BPIFB1: variants seen among roughly 807,000 people sequenced by gnomAD.
BPIFB1 encodes the protein BPI fold containing family B member 1.
A neutral mutation model predicts 55.1 loss-of-function variants in BPIFB1; 34 were observed. That is an observed-to-expected ratio of 0.62 (90% CI 0.47 to 0.82). The LOEUF (loss-of-function observed/expected upper bound fraction) is 0.82. Ranked by LOEUF, BPIFB1 falls within the 40% of genes least tolerant of loss-of-function variation. The probability of loss-of-function intolerance (pLI) is 0.00; values close to 1 mark genes in which losing one functional copy is unlikely to be tolerated. For synonymous variants in BPIFB1, 236 were observed against 245.3 expected (o/e 0.96, Z 0.35); for missense variants, 532 against 593.1 (o/e 0.90, Z 1.07).
intron 9 of BPIFB1, among the ~76,000 whole-genome samples, chr20:33,302,016 A>T (rs1417455834): frequency 6.6e-6 from 1 of 152,190 alleles, no homozygotes; most frequent in Admixed American, 6.5e-5. Flanking sequence ...CCAAGCTCTC[A>T]GGGGACTGGG....
chr20:33,299,848 C>G (rs530555938), intron 7 of BPIFB1, 51 bp from the exon 8 acceptor site: 2 of 1,547,176 alleles, frequency 1.3e-6, no homozygotes, highest in East Asian at 4.5e-5. Context: ...CAACTTCCCC[C>G]TCCAATACTG....
rs1981168206 is a variant in BPIFB1, at chr20:33,309,717, G to C, written c.1405G>C (p.Val469Leu). Residue 469 changes from valine to leucine, a missense_variant, in exon 16 of 16, where the codon GTG becomes CTG. Coordinates refer to ENST00000253354, the MANE Select transcript of BPIFB1 (RefSeq NM_033197.3). This position sits in a 1 kb window ranked among gnomAD's most constrained non-coding sequence, Gnocchi z 4.4. ...AESSLTKDAL[V>L]LTPASLWKPS... ...TCCCCTCCAATTCCAGGATGCCCTT[G>C]TGCTTACTCCAGCCTCCTTGTGGAA... 1.2e-6 allele frequency: 2 copies of C among 1,614,094 alleles called. No individual in the cohort carries two copies. The highest frequency in any genetic ancestry group is 1.7e-6 in the Non-Finnish European group (2 of 1,179,970).
rs748447985 is a variant in BPIFB1, at chr20:33,306,036, TC to T, written c.1291del (p.His431ThrfsTer12). 6 of 1,614,144 alleles carry T rather than the reference TC, an allele frequency of 3.7e-6. No homozygotes were observed. In the Admixed American group the frequency reaches 1.0e-4, roughly 27 times the overall value. The part of the protein sequence containing the change: ...DVLKNIITEI[I>X]HSILLPNQNG... ...CTGAAAAACATCATCACTGAGATCA[TC>T]CACTCCATCCTGCTGCCGAACCAGA... On this transcript the variant is annotated frameshift_variant, in exon 14 of 16. Transcript: ENST00000253354. LOFTEE classifies it high-confidence loss of function.
intron 6 of BPIFB1, among the ~76,000 whole-genome samples, chr20:33,295,692 G>GAAA (rs1980624028): frequency 6.9e-6 from 1 of 144,590 alleles, no homozygotes; most frequent in African/African-American, 2.8e-5. Flanking sequence ...GAGAAAAAAA[G>GAAA]GGAGAAAAGG....
At chr20:33,294,024 A>G (rs1042247854) in intron 6 of BPIFB1, among the ~76,000 whole-genome samples, 1 of 152,198 alleles carries the variant, frequency 6.6e-6, no homozygotes, top group Non-Finnish European at 1.5e-5. Context: ...ACAATATACT[A>G]TTACGTTTGT....
At chr20:33,304,955 C>G (rs1177378281) in intron 13 of BPIFB1, 64 bp downstream of exon 13, 3 of 1,560,800 alleles carry the variant, frequency 1.9e-6, no homozygotes, top group Non-Finnish European at 2.7e-6. Context: ...ACTCTCAAAA[C>G]AGATATTGCC....
intron 15 of BPIFB1, chr20:33,307,592 G>A (rs773141029): frequency 3.2e-5 from 5 of 154,010 alleles, no homozygotes; most frequent in South Asian, 2.0e-4. Context: ...GAGGGACAGC[G>A]TATTAGGCCG....
chr20:33,291,698 A>G (rs373952782), intron 5 of BPIFB1, among the ~76,000 whole-genome samples: 65 of 152,292 alleles, frequency 4.3e-4, no homozygotes, highest in African/African-American at 1.4e-3. Context: ...TAAAGTTCCA[A>G]TGACAACACC....
intron 7 of BPIFB1, chr20:33,298,906 T>G (rs751197176): frequency 2.3e-6 from 1 of 444,290 alleles, no homozygotes. Flanking sequence ...GTCTGTAGAT[T>G]TCTCTTTGTA....
chr20:33,299,956 A>G lies in BPIFB1; in HGVS notation c.719A>G (p.Lys240Arg). 6.2e-7 allele frequency: 1 copy of G among 1,614,064 alleles called. No homozygotes were observed. The highest frequency in any genetic ancestry group is 2.2e-5 in the East Asian group (1 of 44,862). Residue 240 changes from lysine (K) to arginine (R), a missense_variant, in exon 8 of 16, where the codon AAG (lysine) becomes AGG (arginine). Transcript: ENST00000253354. ...LEFDLLYPAI[K>R]GDTIQLYLGA... ...TTTGACCTTCTGTATCCTGCCATCA[A>G]GGGTGACACCATTCAGCTCTACCTG... is the stretch of plus-strand genomic sequence containing the variant.
intron 6 of BPIFB1, among the ~76,000 whole-genome samples, chr20:33,297,236 T>C (rs190241518): frequency 6.6e-6 from 1 of 152,314 alleles, no homozygotes; most frequent in Non-Finnish European, 1.5e-5. Flanking sequence ...TTCACTCTCA[T>C]GGAAAACATA....
chr20:33,305,607 A>G (rs529152203), intron 13 of BPIFB1, among the ~76,000 whole-genome samples: 17 of 152,152 alleles, frequency 1.1e-4, no homozygotes, highest in Middle Eastern at 6.8e-3. Flanking sequence ...ATGAGCCACC[A>G]TGCCCGGTGA....
chr20:33,298,991 T>TTTTG, intron 7 of BPIFB1: 1 of 299,546 alleles, frequency 3.3e-6, no homozygotes, highest in Admixed American at 4.4e-5. Context: ...TTTTTTTTTT[T>TTTTG]GGAGACGGAC....
intron 7 of BPIFB1, chr20:33,299,161 G>T (rs1007135688): frequency 4.4e-6 from 2 of 456,598 alleles, no homozygotes; most frequent in African/African-American, 2.0e-5. Context: ...GGTCACTGGG[G>T]CTCAAACCGA....
At chr20:33,305,410 C>G (rs1412766960) in intron 13 of BPIFB1, among the ~76,000 whole-genome samples, 1 of 151,050 alleles carries the variant, frequency 6.6e-6, no homozygotes, top group Admixed American at 6.6e-5. Flanking sequence ...CTCCATCTCC[C>G]GGGTTCAAGC....
chr20:33,298,998 G>C, intron 7 of BPIFB1: 3 of 232,782 alleles, frequency 1.3e-5, no homozygotes, highest in East Asian at 1.3e-4. Context: ...TTTTGGAGAC[G>C]GACCTTTTTT....
rs561795015 is a variant in BPIFB1, at chr20:33,305,595, G to A, written c.1255-407G>A. 7.9e-5 allele frequency among the ~76,000 whole-genome samples: 12 copies of A among 152,200 alleles called. No homozygotes were observed. In the South Asian group the frequency reaches 1.2e-3, roughly 16 times the overall value. On this transcript the variant is annotated intron_variant, in intron 13 of 15. Transcript: ENST00000253354. ...GCCTCCCAAAGTGCTGGGATTACAG[G>A]CATGAGCCACCATGCCCGGTGACTA...
At chr20:33,299,035 G>A (rs757643327) in intron 7 of BPIFB1, 1 of 325,208 alleles carries the variant, frequency 3.1e-6, no homozygotes, top group Non-Finnish European at 6.6e-6. Context: ...TTTTACAGGA[G>A]TCATGCTCAT....
At chr20:33,292,065 C>A in intron 6 of BPIFB1, 77 bp downstream of exon 6, 1 of 1,311,150 alleles carries the variant, frequency 7.6e-7, no homozygotes, top group Non-Finnish European at 1.1e-6. Context: ...CAAGTTGGTG[C>A]TAAGTGACTG....
Sources: allele counts gnomAD v4.1 joint callset (sites outside exome capture counted in the v4.1 genomes callset), GRCh38; gene constraint gnomAD v4.1.1; non-coding constraint Gnocchi (gnomAD v3.1); transcripts MANE v1.5; gene names NCBI Gene and HGNC (gene_info 2026-07-23, HGNC 2026-07-21).